The following TAS2R1 variants were observed in gnomAD, a reference collection of about 807,000 sequenced individuals.
The protein encoded by TAS2R1 is taste receptor type 2 member 1.
For missense variants in TAS2R1, 370 were observed against 353.4 expected (o/e 1.05, Z -0.38); for synonymous variants, 141 against 134.2 (o/e 1.05, Z -0.35).
the TAS2R1 span, among the ~76,000 whole-genome samples, chr5:9,743,068 TAA>T: frequency 1.3e-4 from 19 of 146,572 alleles, no homozygotes; most frequent in Non-Finnish European, 1.5e-4. Flanking sequence ...AATAGGTGAT[TAA>T]AAAAAAAAAA....
chr5:9,719,654 C>T, the TAS2R1 span, among the ~76,000 whole-genome samples: 9 of 151,728 alleles, frequency 5.9e-5, no homozygotes, highest in African/African-American at 1.9e-4. Flanking sequence ...TCTGGCCGGG[C>T]GCGGTGGCTC....
At chr5:9,811,622 G>A in the TAS2R1 span, among the ~76,000 whole-genome samples, 3 of 152,182 alleles carry the variant, frequency 2.0e-5, no homozygotes, top group South Asian at 6.2e-4. Flanking sequence ...TCGGAACTCT[G>A]TCCTTTTTTC....
At chr5:9,811,122 T>A in the TAS2R1 span, among the ~76,000 whole-genome samples, 3 of 152,292 alleles carry the variant, frequency 2.0e-5, no homozygotes, top group African/African-American at 7.2e-5. Context: ...AGTAACGTCC[T>A]CATAAACATG....
the TAS2R1 span, among the ~76,000 whole-genome samples, chr5:9,830,605 G>GCACA: frequency 9.1e-3 from 1,366 of 149,760 alleles, 11 homozygotes; most frequent in Middle Eastern, 0.021. Context: ...ACGTGCGCGC[G>GCACA]CACACACACA....
chr5:9,703,517 G>A (rs1741534930), intron 1 of TAS2R1, among the ~76,000 whole-genome samples: 1 of 152,070 alleles, frequency 6.6e-6, no homozygotes, highest in African/African-American at 2.4e-5. Flanking sequence ...AGAAGAGGGG[G>A]ACTGTACCTG....
the TAS2R1 span, among the ~76,000 whole-genome samples, chr5:9,798,202 G>A: frequency 2.6e-5 from 4 of 152,182 alleles, no homozygotes; most frequent in Admixed American, 2.0e-4. Context: ...GAGAAGATTC[G>A]TGGTTGCCTT....
chr5:9,737,533 C>T, the TAS2R1 span, among the ~76,000 whole-genome samples: 1 of 152,138 alleles, frequency 6.6e-6, no homozygotes, highest in Non-Finnish European at 1.5e-5. Context: ...CTCTGTCTTC[C>T]CCTTCTGCAG....
the TAS2R1 span, among the ~76,000 whole-genome samples, chr5:9,850,769 T>C: frequency 1.3e-5 from 2 of 152,170 alleles, no homozygotes; most frequent in African/African-American, 2.4e-5. Context: ...AGGTTGGAGC[T>C]CCTGATAAAA....
At chr5:9,901,083 G>C in the TAS2R1 span, among the ~76,000 whole-genome samples, 2 of 152,032 alleles carry the variant, frequency 1.3e-5, no homozygotes, top group African/African-American at 4.8e-5. Flanking sequence ...AGGTACTAGT[G>C]CCTCCCATTA....
chr5:9,665,918 T>C (rs1413980527), intron 1 of TAS2R1, among the ~76,000 whole-genome samples: 1 of 152,238 alleles, frequency 6.6e-6, no homozygotes, highest in African/African-American at 2.4e-5. Flanking sequence ...ATATTTGTAA[T>C]TGTAACATTA....
the TAS2R1 span, among the ~76,000 whole-genome samples, chr5:9,798,588 T>TA: frequency 6.6e-6 from 1 of 152,180 alleles, no homozygotes; most frequent in African/African-American, 2.4e-5. Flanking sequence ...TCCCCATCTG[T>TA]AAAATGCTGA....
the TAS2R1 span, among the ~76,000 whole-genome samples, chr5:9,843,384 C>T: frequency 1.3e-5 from 2 of 152,132 alleles, no homozygotes; most frequent in Non-Finnish European, 2.9e-5. Flanking sequence ...TCACATCATT[C>T]CACTTTTCTC....
rs908169298 is a variant in TAS2R1, at chr5:9,642,408, A to C, written c.-80-12416T>G. On this transcript the variant is annotated intron_variant, in intron 2 of 2. Coordinates refer to the TAS2R1 transcript ENST00000506620. ...ATAGACTCTGAGCAAACCAACCCAGACATCCTTTCTGAATCTTCCCGATAG... is the reference window on the plus strand; with the variant it reads ...ATAGACTCTGAGCAAACCAACCCAGCCATCCTTTCTGAATCTTCCCGATAG... Among the ~76,000 whole-genome samples, 5 of 152,314 alleles carry C rather than the reference A, an allele frequency of 3.3e-5. No homozygotes were observed. The South Asian group carries it at 1.0e-3, about 32-fold the overall frequency.
In TAS2R1 at chr5:9,692,132, A is replaced by G. The variant is rs139014286; in HGVS notation, c.-242+20040T>C. Reference sequence around the variant, plus strand: ...GCTCACTCCAGCTCCAGTGATGATCAAAGTTTGTGTTTCTCCCTTGGTTCG... The same window carrying G: ...GCTCACTCCAGCTCCAGTGATGATCGAAGTTTGTGTTTCTCCCTTGGTTCG... On this transcript the variant is annotated intron_variant, in intron 1 of 2. Transcript: ENST00000506620. 9.8e-4 allele frequency among the ~76,000 whole-genome samples: 149 copies of G among 152,232 alleles called. 1 individual carries two copies. Among genetic ancestry groups the G allele is most frequent in the African/African-American group, 3.4e-3 (142 of 41,548 alleles).
the TAS2R1 span, among the ~76,000 whole-genome samples, chr5:9,837,143 A>AT: frequency 6.6e-6 from 1 of 152,266 alleles, no homozygotes; most frequent in Admixed American, 6.5e-5. Context: ...AAATAGAAAT[A>AT]TTGGACTACA....
chr5:9,757,291 CT>C, the TAS2R1 span, among the ~76,000 whole-genome samples: 1 of 152,112 alleles, frequency 6.6e-6, no homozygotes, highest in African/African-American at 2.4e-5. Context: ...AACTACTCTC[CT>C]TTTTCTTACA....
upstream of TAS2R1, among the ~76,000 whole-genome samples, chr5:9,633,506 T>G (rs1739916068): frequency 6.6e-6 from 1 of 151,678 alleles, no homozygotes; most frequent in Admixed American, 6.6e-5. Flanking sequence ...TACTTTTAGT[T>G]CTTTAAATAA....
the TAS2R1 span, among the ~76,000 whole-genome samples, chr5:9,783,396 G>C: frequency 1.3e-5 from 2 of 152,186 alleles, no homozygotes; most frequent in African/African-American, 4.8e-5. Context: ...TTGCAAGGCT[G>C]GCCTGGAGAA....
the TAS2R1 span, among the ~76,000 whole-genome samples, chr5:9,734,362 T>A: frequency 3.9e-5 from 6 of 152,230 alleles, no homozygotes; most frequent in Admixed American, 6.5e-5. Flanking sequence ...GTCCAATCAA[T>A]ACAGCTCCCT....
Sources: allele counts gnomAD v4.1 joint callset (sites outside exome capture counted in the v4.1 genomes callset), GRCh38; gene constraint gnomAD v4.1.1; transcripts MANE v1.5; gene names NCBI Gene and HGNC (gene_info 2026-07-23, HGNC 2026-07-21).